The following CDK5RAP3 variants were observed in gnomAD, a reference collection of about 807,000 sequenced individuals.
CDK5RAP3 encodes CDK5 regulatory subunit-associated protein 3.
In CDK5RAP3, 58 loss-of-function variants were observed where a neutral mutation model predicts 73.3. The ratio of observed to expected loss-of-function variants is 0.79; its 90% CI spans 0.64 to 0.98. The LOEUF is 0.98. CDK5RAP3 is among the 50% of genes least tolerant of loss of function. The pLI is 0.00. For synonymous variants in CDK5RAP3, 224 were observed against 247.5 expected, an observed-to-expected ratio of 0.91 and a Z score of 0.89; for missense variants, 525 against 615.8, an observed-to-expected ratio of 0.85 and a Z score of 1.56.
chr17:47,981,577 G>T lies in CDK5RAP3; in HGVS notation c.*75G>T. On this transcript the variant is annotated 3_prime_UTR_variant, in exon 14 of 14. Transcript: ENST00000338399. ...TGATAGCCAGGGCTGTTGTTTTGGG[G>T]CCCTTCAAGGCAAAAGACCAGGCTG... The T allele has an allele frequency of 6.2e-7, 1 of 1,612,824 alleles. No individual in the cohort carries two copies. The highest frequency in any genetic ancestry group is 1.1e-5 in the South Asian group (1 of 90,894).
chr17:47,981,702 C>A lies in CDK5RAP3; in HGVS notation c.*200C>A. ...AAGCTGTGGTGATTGGCCCTGTGGT[C>A]TATCAGGCGAAAACCACAGATTCTC... On this transcript the variant is annotated 3_prime_UTR_variant, in exon 14 of 14. Transcript: ENST00000338399. 2.0e-6 allele frequency: 3 copies of A among 1,533,950 alleles called. No individual in the cohort carries two copies.
upstream of CDK5RAP3, among the ~76,000 whole-genome samples, chr17:47,969,140 C>A (rs971674526): frequency 1.3e-5 from 2 of 152,178 alleles, no homozygotes; most frequent in Non-Finnish European, 2.9e-5. Flanking sequence ...TGGTCCAAGA[C>A]CTCACTGGGC....
rs767547688 is a variant in CDK5RAP3, at chr17:47,971,382, C to T, written c.27C>T (p.Ile9=). ...GCCAGGACCATCAGCACGTGCCCAT[C>T]GACATCCAGACCAGCAAGCTGCTCG... MEDHQHVP[I]DIQTSKLLDW... Residue 9 remains isoleucine, a synonymous_variant, in exon 2 of 14, where the codon ATC becomes ATT. Transcript: ENST00000338399. The T allele has an allele frequency of 6.2e-7, 1 of 1,610,204 alleles. No individual in the cohort carries two copies. The highest frequency in any genetic ancestry group is 1.1e-5 in the South Asian group (1 of 90,108).
upstream of CDK5RAP3, chr17:47,970,987 C>T: frequency 2.7e-6 from 4 of 1,483,016 alleles, no homozygotes; most frequent in Non-Finnish European, 3.6e-6. Context: ...GGGCTTGAGG[C>T]CTGAGTGGAG....
rs890231437 is a variant in CDK5RAP3, at chr17:47,980,815, A to G, written c.1283+17A>G. ...CTCACCAAGGTCTGGCTTCCCCTTGATGCAAGGCTCTGCCATCTTGAGCAG... is the reference window on the plus strand; with the variant it reads ...CTCACCAAGGTCTGGCTTCCCCTTGGTGCAAGGCTCTGCCATCTTGAGCAG... On this transcript the variant is annotated intron_variant, in intron 12 of 13. Coordinates refer to ENST00000338399, the MANE Select transcript of CDK5RAP3 (RefSeq NM_176096.3). 6 of 1,611,720 alleles carry G rather than the reference A, an allele frequency of 3.7e-6. No homozygotes were observed. Among genetic ancestry groups the G allele is most frequent in the Non-Finnish European group, 5.1e-6 (6 of 1,178,016 alleles).
At chr17:47,970,965 C>G, upstream of CDK5RAP3, 2 of 1,459,328 alleles carry the variant, frequency 1.4e-6, no homozygotes, top group Non-Finnish European at 1.8e-6. Flanking sequence ...CATTCGGAGC[C>G]TGGGGTGGGC....
At chr17:47,976,382 C>T (rs2144229365) in intron 8 of CDK5RAP3, 2 of 355,338 alleles carry the variant, frequency 5.6e-6, no homozygotes, top group East Asian at 6.7e-5. Context: ...ATTTTTGAGA[C>T]TGGGCCTTGC....
chr17:47,976,870 A>G (rs1057115298), intron 9 of CDK5RAP3, 48 bp downstream of exon 9: 8 of 1,218,894 alleles, frequency 6.6e-6, no homozygotes, highest in South Asian at 4.2e-5. Flanking sequence ...TACTCTAACC[A>G]TAAGAAAAGT....
rs1461942859 is a variant in CDK5RAP3 at position 47,971,423 on chromosome 17, A to G, written c.52+16A>G. On this transcript the variant is annotated intron_variant, in intron 2 of 13. Transcript: ENST00000338399. ...AAGCTGCTCGGTAGGAGGGGGCGCCACCGCGCAGCTGGCTGTCGGGGGGAG... is the reference window on the plus strand; with the variant it reads ...AAGCTGCTCGGTAGGAGGGGGCGCCGCCGCGCAGCTGGCTGTCGGGGGGAG... The G allele has an allele frequency of 6.3e-7, 1 of 1,592,778 alleles. No individual in the cohort carries two copies. Among genetic ancestry groups the G allele is most frequent in the East Asian group, 2.3e-5 (1 of 43,992 alleles).
intron 9 of CDK5RAP3, among the ~76,000 whole-genome samples, 168 bp downstream of exon 9, chr17:47,976,990 T>C (rs1258235955): frequency 7.9e-5 from 12 of 152,186 alleles, no homozygotes; most frequent in Non-Finnish European, 2.9e-5. Flanking sequence ...GTTTTGTTTT[T>C]TGAGACAGAG....
intron 10 of CDK5RAP3, chr17:47,978,436 GCTGTTAT>G: frequency 5.6e-6 from 1 of 180,094 alleles, no homozygotes; most frequent in Non-Finnish European, 1.2e-5. Context: ...ATGTGGGCCA[GCTGTTAT>G]GGTAGGAGGG....
At chr17:47,968,255 T>C (rs2923063), upstream of CDK5RAP3, among the ~76,000 whole-genome samples, 142,311 of 152,146 alleles carry the variant, frequency 0.94, 66,858 homozygotes, top group East Asian at 0.98. Context: ...TTAATTCAGC[T>C]CTATGAGCCA....
intron 3 of CDK5RAP3, 50 bp downstream of exon 3, chr17:47,973,700 T>C: frequency 6.2e-7 from 1 of 1,602,774 alleles, no homozygotes. Flanking sequence ...TGAGGTAGTA[T>C]GTATCAGCTG....
chr17:47,972,379 G>T (rs2036290349), intron 2 of CDK5RAP3, among the ~76,000 whole-genome samples: 1 of 152,210 alleles, frequency 6.6e-6, no homozygotes, highest in Admixed American at 6.5e-5. Context: ...GTTGCTTCTA[G>T]TTCTGTGACA....
At chr17:47,976,505 T>G (rs1235500389) in intron 8 of CDK5RAP3, 1 of 468,696 alleles carries the variant, frequency 2.1e-6, no homozygotes, top group Non-Finnish European at 3.9e-6. Flanking sequence ...GATTACAGGT[T>G]TGCACCACCA....
chr17:47,981,663 A>T lies in CDK5RAP3; in HGVS notation c.*161A>T. The T allele has an allele frequency of 2.6e-6, 4 of 1,541,178 alleles. No individual in the cohort carries two copies. Among genetic ancestry groups the T allele is most frequent in the Non-Finnish European group, 3.5e-6 (4 of 1,148,048 alleles). ...CCTGATGGTGATCTTGGCACTCTCC[A>T]TGTTCTCTACAAGAAGCTGTGGTGA... On this transcript the variant is annotated 3_prime_UTR_variant, in exon 14 of 14. Transcript: ENST00000338399.
intron 2 of CDK5RAP3, 43 bp downstream of exon 2, chr17:47,971,450 C>G (rs1598215978): frequency 6.5e-7 from 1 of 1,541,862 alleles, no homozygotes; most frequent in African/African-American, 1.4e-5. Flanking sequence ...CGGGGGGAGG[C>G]CTGTGCGTTG....
At chr17:47,976,449 T>C (rs2036413704) in intron 8 of CDK5RAP3, 4 of 400,800 alleles carry the variant, frequency 1.0e-5, no homozygotes, top group South Asian at 7.0e-5. Flanking sequence ...AACCTCTGCC[T>C]CTCAGCCTCA....
chr17:47,975,898 G>C lies in CDK5RAP3; in HGVS notation c.683G>C (p.Arg228Pro), dbSNP rs368942321. The C allele has an allele frequency of 1.2e-6, 2 of 1,614,192 alleles. No homozygotes were observed. Among genetic ancestry groups the C allele is most frequent in the East Asian group, 4.5e-5 (2 of 44,892 alleles). The stretch of plus-strand genomic sequence containing the variant: ...ACAGAGCAGGTGTTGCCAATGCTGC[G>C]GTTCGTGCAGAAGCGGGGAAACTCA... Reference protein sequence around the residue: ...SPTEQVLPMLRFVQKRGNSTV... With the variant: ...SPTEQVLPMLPFVQKRGNSTV... Residue 228 changes from arginine to proline, a missense_variant, in exon 8 of 14, where the codon CGG (arginine) becomes CCG (proline). By Grantham distance (103) the Arg-to-Pro change is moderately radical. Transcript: ENST00000338399.
Sources: gnomAD v4.1 joint callset for allele counts (sites outside exome capture counted in the v4.1 genomes callset) on GRCh38, gnomAD v4.1.1 for gene constraint, MANE v1.5 for transcripts, NCBI Gene and HGNC (gene_info 2026-07-23, HGNC 2026-07-21) for gene names.